The following GNAQ variants were observed in gnomAD, a reference collection of about 807,000 sequenced individuals.
GNAQ encodes the protein G protein subunit alpha q.
Under a neutral mutation model 43.9 loss-of-function variants are expected in GNAQ, and 8 were observed. The observed-to-expected ratio is 0.18, with a 90% CI of 0.11 to 0.33. GNAQ has a LOEUF of 0.33. GNAQ is among the 10% of genes least tolerant of loss of function. GNAQ has a pLI of 1.00. For synonymous variants in GNAQ, 155 were observed against 170.7 expected (o/e 0.91, Z 0.71); for missense variants, 158 against 450.8 (o/e 0.35, Z 5.88).
intron 2 of GNAQ, among the ~76,000 whole-genome samples, chr9:77,849,844 T>C (rs1189972114): frequency 6.6e-6 from 1 of 152,194 alleles, no homozygotes; most frequent in African/African-American, 2.4e-5. Flanking sequence ...TTTTAAATTT[T>C]CTGTAGAGAT....
chr9:78,007,673 A>G (rs1007116524), intron 1 of GNAQ, among the ~76,000 whole-genome samples: 1 of 152,240 alleles, frequency 6.6e-6, no homozygotes, highest in African/African-American at 2.4e-5. Context: ...CACAAGCAGT[A>G]TACTTACAAC....
chr9:78,026,246 TA>T (rs796334378), intron 1 of GNAQ, among the ~76,000 whole-genome samples: 49 of 152,250 alleles, frequency 3.2e-4, no homozygotes, highest in African/African-American at 1.1e-3. Flanking sequence ...AAATAGCATA[TA>T]GGGGTAAGGA....
intron 1 of GNAQ, among the ~76,000 whole-genome samples, chr9:77,941,272 C>CA (rs1436863000): frequency 6.7e-6 from 1 of 150,276 alleles, no homozygotes; most frequent in East Asian, 2.0e-4. Flanking sequence ...TTTTTTGAGA[C>CA]AGAGTCTCGC....
intron 5 of GNAQ, among the ~76,000 whole-genome samples, chr9:77,765,625 G>A (rs887424210): frequency 6.6e-6 from 1 of 152,228 alleles, no homozygotes; most frequent in Non-Finnish European, 1.5e-5. Context: ...TGGCAAGGAT[G>A]TAGAGAAACT....
intron 1 of GNAQ, among the ~76,000 whole-genome samples, chr9:78,009,796 T>C (rs997404390): frequency 6.6e-6 from 1 of 151,930 alleles, no homozygotes; most frequent in African/African-American, 2.4e-5. Context: ...TGAAATTCAA[T>C]AGCAGTAAAA....
intron 2 of GNAQ, among the ~76,000 whole-genome samples, chr9:77,862,189 T>C (rs893015511): frequency 6.6e-6 from 1 of 151,812 alleles, no homozygotes; most frequent in Admixed American, 6.6e-5. Context: ...CACTCTGGGA[T>C]CTGGAGGATC....
chr9:77,765,121 A>G (rs1826114129), intron 5 of GNAQ, among the ~76,000 whole-genome samples: 1 of 152,178 alleles, frequency 6.6e-6, no homozygotes, highest in South Asian at 2.1e-4. Flanking sequence ...TAAGAGCAGT[A>G]CAAAAATTCA....
At chr9:77,936,358 C>CA (rs1342278835) in intron 1 of GNAQ, among the ~76,000 whole-genome samples, 1 of 152,164 alleles carries the variant, frequency 6.6e-6, no homozygotes, top group African/African-American at 2.4e-5. Context: ...AGTATATACT[C>CA]AGACCTTATT....
At chr9:77,937,367 TGAG>T (rs1564157051) in intron 1 of GNAQ, among the ~76,000 whole-genome samples, 2 of 150,140 alleles carry the variant, frequency 1.3e-5, no homozygotes, top group Non-Finnish European at 3.0e-5. Flanking sequence ...GAACCCAGGA[TGAG>T]GAGGTTGCAG....
chr9:77,854,771 C>T (rs1827725372), intron 2 of GNAQ, among the ~76,000 whole-genome samples: 1 of 152,116 alleles, frequency 6.6e-6, no homozygotes, highest in Non-Finnish European at 1.5e-5. Flanking sequence ...AAAGGACAGA[C>T]AGTATAATTT....
At chr9:77,996,166 A>G (rs1823564870) in intron 1 of GNAQ, among the ~76,000 whole-genome samples, 3 of 152,192 alleles carry the variant, frequency 2.0e-5, no homozygotes, top group Admixed American at 2.0e-4. Context: ...GCTCCTCAAC[A>G]TGCACCTAAA....
chr9:77,997,467 A>C (rs1823584046), intron 1 of GNAQ, among the ~76,000 whole-genome samples: 1 of 152,110 alleles, frequency 6.6e-6, no homozygotes, highest in Non-Finnish European at 1.5e-5. Flanking sequence ...TTTCTACCTG[A>C]TGCTGCTGTG....
chr9:77,874,626 A>T (rs933585726), intron 2 of GNAQ, among the ~76,000 whole-genome samples: 28 of 151,156 alleles, frequency 1.9e-4, no homozygotes, highest in African/African-American at 6.8e-4. Context: ...CCTCAACTAA[A>T]TTTTTTTTCT....
chr9:77,983,025 C>T (rs1160844558), intron 1 of GNAQ, among the ~76,000 whole-genome samples: 1 of 151,980 alleles, frequency 6.6e-6, no homozygotes, highest in Non-Finnish European at 1.5e-5. Flanking sequence ...GAGAAAATAC[C>T]TACATGGGTC....
intron 2 of GNAQ, among the ~76,000 whole-genome samples, chr9:77,895,735 G>T (rs1385209407): frequency 6.6e-6 from 1 of 152,176 alleles, no homozygotes. Flanking sequence ...CCCATGTGTT[G>T]CAGGAGGGAC....
intron 1 of GNAQ, among the ~76,000 whole-genome samples, chr9:78,012,077 A>C (rs1823778492): frequency 6.6e-6 from 1 of 152,204 alleles, no homozygotes; most frequent in African/African-American, 2.4e-5. Context: ...CAAAGAAAAA[A>C]TATTCAGGCT....
chr9:77,916,898 A>G (rs1367745308), intron 2 of GNAQ, among the ~76,000 whole-genome samples: 1 of 152,220 alleles, frequency 6.6e-6, no homozygotes, highest in Non-Finnish European at 1.5e-5. Flanking sequence ...ACTGGCAAAG[A>G]GAGCAATGGC....
At chr9:77,922,138 C>A in intron 2 of GNAQ, 23 bp downstream of exon 2, 1 of 1,537,460 alleles carries the variant, frequency 6.5e-7, no homozygotes, top group Non-Finnish European at 9.0e-7. Context: ...CAGCTGACTG[C>A]TCCAATGAAG....
At chr9:77,937,250 G>C (rs1249472668) in intron 1 of GNAQ, among the ~76,000 whole-genome samples, 1 of 151,784 alleles carries the variant, frequency 6.6e-6, no homozygotes, top group Non-Finnish European at 1.5e-5. Context: ...CACCAGCCTG[G>C]CCAACATAGT....
Sources: gnomAD v4.1 joint callset for allele counts (sites outside exome capture counted in the v4.1 genomes callset) on GRCh38, gnomAD v4.1.1 for gene constraint, MANE v1.5 for transcripts, NCBI Gene and HGNC (gene_info 2026-07-23, HGNC 2026-07-21) for gene names.